MTREX: variants seen among roughly 807,000 people sequenced by gnomAD.
The protein encoded by MTREX is Mtr4 exosome RNA helicase.
Under a neutral mutation model 135.4 loss-of-function variants are expected in MTREX, and 76 were observed. That is an observed-to-expected ratio of 0.56 (90% CI 0.47 to 0.68). The LOEUF (loss-of-function observed/expected upper bound fraction) is 0.68, where lower values mean the gene tolerates loss of function less well. MTREX is among the 30% of genes least tolerant of loss of function. The pLI, the probability that MTREX is intolerant of heterozygous loss-of-function variation, is 0.00. For missense variants in MTREX, 920 were observed against 1,262.1 expected (o/e 0.73, Z 4.11); for synonymous variants, 404 against 401.6 (o/e 1.01, Z -0.07).
intron 5 of MTREX, among the ~76,000 whole-genome samples, chr5:55,331,912 T>C (rs1208289621): frequency 6.6e-6 from 1 of 152,216 alleles, no homozygotes. Flanking sequence ...TATCATTGTT[T>C]CAGGTGGGTG....
intron 11 of MTREX, among the ~76,000 whole-genome samples, chr5:55,349,169 T>C (rs1193852206): frequency 3.4e-4 from 52 of 151,748 alleles, no homozygotes; most frequent in Admixed American, 3.1e-3. Flanking sequence ...CTCTTTACTT[T>C]TGCTCTTTAA....
intron 25 of MTREX, among the ~76,000 whole-genome samples, chr5:55,418,024 G>A (rs1340715524): frequency 6.6e-6 from 1 of 151,422 alleles, no homozygotes; most frequent in Non-Finnish European, 1.5e-5. Context: ...CAGGAGGTCA[G>A]GAAATCGAGA....
At chr5:55,385,203 A>AG (rs1750458012) in intron 18 of MTREX, among the ~76,000 whole-genome samples, 2 of 152,174 alleles carry the variant, frequency 1.3e-5, no homozygotes, top group South Asian at 4.1e-4. Context: ...CTTTAGAAGC[A>AG]GGGGCATAGG....
At chr5:55,394,054 A>G (rs1037506645) in intron 19 of MTREX, among the ~76,000 whole-genome samples, 1 of 152,208 alleles carries the variant, frequency 6.6e-6, no homozygotes, top group Non-Finnish European at 1.5e-5. Context: ...GAAATAGGAC[A>G]GTTTTTGTCT....
Position 55,355,814 on chromosome 5 carries a change from C to G in MTREX, c.1533+2545C>G, listed in dbSNP as rs114470298. Among the ~76,000 whole-genome samples, 961 of 152,318 alleles carry G rather than the reference C, an allele frequency of 6.3e-3. 15 individuals are homozygous for G. Among genetic ancestry groups the G allele is most frequent in the African/African-American group, 0.021 (855 of 41,568 alleles). On this transcript the variant is annotated intron_variant, in intron 14 of 26. Coordinates refer to ENST00000230640, the MANE Select transcript of MTREX (RefSeq NM_015360.5). ...CCTGGGCCTCCCACTGGAGCATAATCTTAAGGATCAAGATGCCTTGGAATG... is the reference window on the plus strand; with the variant it reads ...CCTGGGCCTCCCACTGGAGCATAATGTTAAGGATCAAGATGCCTTGGAATG...
At chr5:55,424,468 TC>T (rs1751115373) in intron 26 of MTREX, 1 of 382,290 alleles carries the variant, frequency 2.6e-6, no homozygotes, top group Non-Finnish European at 4.8e-6. Context: ...TTTAAACAGT[TC>T]TAGACACCTC....
chr5:55,321,685 T>C (rs1463343038), intron 1 of MTREX, among the ~76,000 whole-genome samples: 1 of 150,666 alleles, frequency 6.6e-6, no homozygotes, highest in Non-Finnish European at 1.5e-5. Context: ...CTCAGCTTAC[T>C]GCAGCATCTG....
intron 15 of MTREX, among the ~76,000 whole-genome samples, chr5:55,360,647 G>A (rs1027188164): frequency 6.6e-6 from 1 of 152,070 alleles, no homozygotes; most frequent in African/African-American, 2.4e-5. Context: ...AGCCATCCTT[G>A]GGGTATGAAG....
intron 18 of MTREX, among the ~76,000 whole-genome samples, chr5:55,381,643 T>TC (rs1750397604): frequency 6.6e-6 from 1 of 152,218 alleles, no homozygotes; most frequent in African/African-American, 2.4e-5. Flanking sequence ...TTTGAATTGT[T>TC]CTAAGTTTGC....
At chr5:55,414,300 A>G in intron 24 of MTREX, 62 bp downstream of exon 24, 2 of 1,290,476 alleles carry the variant, frequency 1.5e-6, no homozygotes, top group Non-Finnish European at 2.1e-6. Context: ...TGTAAAATAA[A>G]CATTTTTGAT....
intron 5 of MTREX, among the ~76,000 whole-genome samples, chr5:55,339,094 A>G (rs746671940): frequency 1.3e-5 from 2 of 151,938 alleles, no homozygotes; most frequent in Non-Finnish European, 1.5e-5. Flanking sequence ...GCCCGGCCTA[A>G]TCTGTAGACT....
intron 22 of MTREX, among the ~76,000 whole-genome samples, chr5:55,406,633 G>A (rs980593573): frequency 2.6e-5 from 4 of 152,112 alleles, no homozygotes; most frequent in African/African-American, 9.7e-5. Flanking sequence ...TGGGGAAGTG[G>A]CTATTGTTCA....
chr5:55,419,821 T>C (rs892837996), intron 25 of MTREX, among the ~76,000 whole-genome samples: 4 of 150,296 alleles, frequency 2.7e-5, no homozygotes, highest in Admixed American at 2.0e-4. Flanking sequence ...GTATGCCACA[T>C]GTTTTGAAAG....
At chr5:55,320,194 A>G (rs1749264474) in intron 1 of MTREX, among the ~76,000 whole-genome samples, 1 of 150,150 alleles carries the variant, frequency 6.7e-6, no homozygotes, top group Non-Finnish European at 1.5e-5. Flanking sequence ...ATGGATCAGT[A>G]TTGTTTTACC....
chr5:55,359,625 T>C (rs1172221217), intron 15 of MTREX, among the ~76,000 whole-genome samples: 1 of 152,226 alleles, frequency 6.6e-6, no homozygotes, highest in Admixed American at 6.5e-5. Context: ...TTTTCAACTT[T>C]AGAGATTAAC....
chr5:55,309,951 TCA>T, intron 1 of MTREX, among the ~76,000 whole-genome samples: 1 of 152,302 alleles, frequency 6.6e-6, no homozygotes, highest in Non-Finnish European at 1.5e-5. Context: ...GGGAAGCTTT[TCA>T]GAGAAAATAA....
intron 15 of MTREX, among the ~76,000 whole-genome samples, chr5:55,362,616 C>T (rs1045586230): frequency 1.3e-5 from 2 of 152,144 alleles, no homozygotes; most frequent in South Asian, 4.1e-4. Context: ...CCACCTTGGC[C>T]TCCCAAAGTG....
rs551412584 is a variant in MTREX, at chr5:55,355,297, A to C, written c.1533+2028A>C. Among the ~76,000 whole-genome samples, 3 of 152,282 alleles carry C rather than the reference A, an allele frequency of 2.0e-5. No individual in the cohort carries two copies. The East Asian group carries it at 5.8e-4, about 29-fold the overall frequency. The stretch of plus-strand genomic sequence containing the variant: ...AAGAGGGAGCACTGGAGCCTGATGG[A>C]AAAGGGCTATGGGCCATATCAAAGG... On this transcript the variant is annotated intron_variant, in intron 14 of 26. Transcript: ENST00000230640.
At chr5:55,344,700 T>C in intron 9 of MTREX, 80 bp downstream of exon 9, 1 of 791,096 alleles carries the variant, frequency 1.3e-6, no homozygotes, top group South Asian at 2.1e-5. Flanking sequence ...TTTTAAATTT[T>C]GAATTAGAGA....
Sources: allele counts gnomAD v4.1 joint callset (sites outside exome capture counted in the v4.1 genomes callset), GRCh38; gene constraint gnomAD v4.1.1; transcripts MANE v1.5; gene names NCBI Gene and HGNC (gene_info 2026-07-23, HGNC 2026-07-21).